The following SCMH1 variants were observed in gnomAD, a reference collection of about 807,000 sequenced individuals.
SCMH1 encodes the protein polycomb protein SCMH1.
In SCMH1, 37 loss-of-function variants were observed where a neutral mutation model predicts 70.8. The observed-to-expected ratio is 0.52, with a 90% CI of 0.40 to 0.69. The LOEUF is 0.69. SCMH1 is among the 30% of genes least tolerant of loss of function. The pLI is 0.00. For missense variants in SCMH1, 607 were observed against 827.3 expected, an observed-to-expected ratio of 0.73 and a Z score of 3.27; for synonymous variants, 292 against 307.4, an observed-to-expected ratio of 0.95 and a Z score of 0.52.
rs186024963 is a variant in SCMH1, at chr1:41,172,195, A to C, written c.14-10763T>G. On this transcript the variant is annotated intron_variant, in intron 2 of 14. Coordinates refer to ENST00000337495, the Ensembl canonical transcript of SCMH1. ...GCGAGACTCCATCTCAAAAAAAAAA[A>C]AAAAAACGCTGTACCAAAAAATTCT... Among the ~76,000 whole-genome samples the C allele has an allele frequency of 2.3e-3, 347 of 152,022 alleles. 2 individuals carry two copies. Among genetic ancestry groups the C allele is most frequent in the South Asian group, 0.014 (66 of 4,820 alleles).
chr1:41,207,198 T>G (rs1655760337), intron 1 of SCMH1, among the ~76,000 whole-genome samples: 1 of 152,262 alleles, frequency 6.6e-6, no homozygotes, highest in Non-Finnish European at 1.5e-5. Context: ...AGTATTAACC[T>G]TAAATGTAAA....
chr1:41,161,379 C>T, exon 3 of SCMH1: 1 of 1,550,480 alleles, frequency 6.4e-7, no homozygotes, highest in Non-Finnish European at 8.7e-7. Context: ...TATTGGGATG[C>T]AGACTCTGAT....
intron 11 of SCMH1, among the ~76,000 whole-genome samples, chr1:41,047,735 T>C (rs1647033725): frequency 6.6e-6 from 1 of 152,134 alleles, no homozygotes; most frequent in South Asian, 2.1e-4. Context: ...TCCCTGCCTG[T>C]CTGCTCCATC....
chr1:41,196,789 C>T (rs1190237413), intron 1 of SCMH1, among the ~76,000 whole-genome samples: 3 of 152,100 alleles, frequency 2.0e-5, no homozygotes, highest in Admixed American at 1.3e-4. Flanking sequence ...ACAATACTTG[C>T]AAATCATGTT....
chr1:41,038,170 A>G (rs1298006256), intron 12 of SCMH1: 2 of 152,234 alleles, frequency 1.3e-5, no homozygotes, highest in Non-Finnish European at 2.9e-5. Flanking sequence ...CTCATCTACA[A>G]CATGGGAAGC....
At chr1:41,184,217 C>T (rs1044986598) in intron 2 of SCMH1, among the ~76,000 whole-genome samples, 1 of 152,198 alleles carries the variant, frequency 6.6e-6, no homozygotes, top group East Asian at 1.9e-4. Context: ...TCAACTAATA[C>T]TTACCATTAC....
chr1:41,201,257 C>T (rs6672914), intron 1 of SCMH1, among the ~76,000 whole-genome samples: 37,728 of 152,032 alleles, frequency 0.25, 5,271 homozygotes, highest in Non-Finnish European at 0.31. Flanking sequence ...GGGTCTTGTA[C>T]GAATCCTACA....
chr1:41,186,278 GAGA>G lies in SCMH1; in HGVS notation c.-117-31_-117-29del. ...GTAAAAAAGGTAGGTGGGGAGGAAGGAGAAGAACATTTATTACCTGTAAAGTAC... is the reference window on the plus strand; with the variant it reads ...GTAAAAAAGGTAGGTGGGGAGGAAGGAGAACATTTATTACCTGTAAAGTAC... On this transcript the variant is annotated intron_variant, in intron 1 of 14. Coordinates refer to ENST00000337495, the Ensembl canonical transcript of SCMH1. 4 of 604,376 alleles carry G rather than the reference GAGA, an allele frequency of 6.6e-6. No individual in the cohort carries two copies. In the South Asian group the frequency reaches 7.5e-5, roughly 11 times the overall value. 37.4% of individuals were successfully genotyped at this position (604,376 alleles called of 1,614,324 possible).
chr1:41,132,497 C>T (rs745768217), intron 6 of SCMH1, among the ~76,000 whole-genome samples: 2 of 152,040 alleles, frequency 1.3e-5, no homozygotes, highest in Admixed American at 6.6e-5. Flanking sequence ...CTGTAGGTTG[C>T]CTGTTCACTC....
At chr1:41,066,331 G>A (rs1654584705) in intron 10 of SCMH1, among the ~76,000 whole-genome samples, 1 of 152,100 alleles carries the variant, frequency 6.6e-6, no homozygotes, top group Non-Finnish European at 1.5e-5. Context: ...GTGGGGATGT[G>A]GGCTGCTAGA....
chr1:41,223,266 C>T (rs11209718), intron 1 of SCMH1, among the ~76,000 whole-genome samples: 54,158 of 152,054 alleles, frequency 0.36, 11,014 homozygotes, highest in Admixed American at 0.51. Flanking sequence ...TGAAAACTCA[C>T]AGTAATGCAA....
intron 11 of SCMH1, among the ~76,000 whole-genome samples, chr1:41,047,546 A>C (rs78679160): frequency 0.013 from 2,035 of 152,066 alleles, 47 homozygotes; most frequent in African/African-American, 0.047. Flanking sequence ...ACAGGCGTGC[A>C]CCACCATGCC....
intron 1 of SCMH1, among the ~76,000 whole-genome samples, chr1:41,233,214 C>CAT (rs755823594): frequency 6.6e-5 from 10 of 151,852 alleles, no homozygotes; most frequent in African/African-American, 1.9e-4. Context: ...ATATATAAGC[C>CAT]ATATATATAT....
At chr1:41,221,816 C>T (rs550049005) in intron 1 of SCMH1, among the ~76,000 whole-genome samples, 23 of 147,054 alleles carry the variant, frequency 1.6e-4, no homozygotes, top group African/African-American at 4.7e-4. Flanking sequence ...TGCTTAAACC[C>T]GGGAGGCAGA....
chr1:41,028,469 G>C (rs560604143), intron 14 of SCMH1, 115 bp downstream of exon 15: 1 of 1,510,402 alleles, frequency 6.6e-7, no homozygotes, highest in Non-Finnish European at 9.1e-7. Context: ...AAGCCTACCT[G>C]TTCTCCTCAG....
intron 2 of SCMH1, among the ~76,000 whole-genome samples, chr1:41,179,660 C>T (rs1287347478): frequency 6.6e-6 from 1 of 152,170 alleles, no homozygotes; most frequent in Non-Finnish European, 1.5e-5. Context: ...CAAGACTAAA[C>T]CAGGAAGAAG....
chr1:41,090,569 A>G (rs1211411450), intron 8 of SCMH1, among the ~76,000 whole-genome samples: 1 of 152,144 alleles, frequency 6.6e-6, no homozygotes, highest in Non-Finnish European at 1.5e-5. Flanking sequence ...GGTGATTGAT[A>G]TCCCAATAAC....
intron 1 of SCMH1, among the ~76,000 whole-genome samples, chr1:41,233,971 G>A (rs748534116): frequency 2.6e-5 from 4 of 152,146 alleles, no homozygotes; most frequent in African/African-American, 7.2e-5. Context: ...TACTATAAAG[G>A]TATGTGTTGT....
At chr1:41,128,644 T>C (rs1162765671) in intron 6 of SCMH1, among the ~76,000 whole-genome samples, 1 of 152,162 alleles carries the variant, frequency 6.6e-6, no homozygotes, top group East Asian at 1.9e-4. Context: ...GTTTATTTCA[T>C]ATTTCTCCTG....
Sources: allele counts gnomAD v4.1 joint callset (sites outside exome capture counted in the v4.1 genomes callset), GRCh38; gene constraint gnomAD v4.1.1; transcripts MANE v1.5; gene names NCBI Gene and HGNC (gene_info 2026-07-23, HGNC 2026-07-21).